FAM184A: variants seen among roughly 807,000 people sequenced by gnomAD.
FAM184A encodes protein FAM184A.
In FAM184A, 99 loss-of-function variants were observed where a neutral mutation model predicts 143.8. The ratio of observed to expected loss-of-function variants is 0.69; its 90% CI spans 0.58 to 0.81. The LOEUF is 0.81. FAM184A is among the 40% of genes least tolerant of loss of function. FAM184A has a pLI of 0.00. For synonymous variants in FAM184A, 427 were observed against 446.4 expected, an observed-to-expected ratio of 0.96 and a Z score of 0.55; for missense variants, 1,217 against 1,310.5, an observed-to-expected ratio of 0.93 and a Z score of 1.10.
chr6:119,049,385 T>G (rs1289577780), intron 1 of FAM184A, among the ~76,000 whole-genome samples: 1 of 152,120 alleles, frequency 6.6e-6, no homozygotes, highest in Non-Finnish European at 1.5e-5. Flanking sequence ...GAGGCAGAGA[T>G]TGCAGTGAGC....
At chr6:119,019,869 G>A in intron 4 of FAM184A, 109 bp downstream of exon 4, 1 of 969,644 alleles carries the variant, frequency 1.0e-6, no homozygotes, top group East Asian at 2.7e-5. Flanking sequence ...ACTAAAGTAG[G>A]AAATGTATTG....
chr6:119,146,387 G>A (rs1011223045), intron 1 of FAM184A, among the ~76,000 whole-genome samples: 3 of 143,290 alleles, frequency 2.1e-5, no homozygotes, highest in Non-Finnish European at 3.0e-5. Context: ...TGCCTTTCCC[G>A]ATTAACTTAC....
intron 14 of FAM184A, among the ~76,000 whole-genome samples, chr6:118,971,963 G>A (rs998902053): frequency 1.3e-5 from 2 of 152,142 alleles, no homozygotes; most frequent in South Asian, 4.1e-4. Context: ...TGCCTTCCAG[G>A]AATCCACAGG....
intron 1 of FAM184A, among the ~76,000 whole-genome samples, chr6:119,140,594 C>T (rs1023621566): frequency 1.3e-5 from 2 of 152,220 alleles, no homozygotes; most frequent in African/African-American, 4.8e-5. Flanking sequence ...TCATCCGCAC[C>T]TTTCAACCAC....
At chr6:119,075,563 G>C (rs79001150) in intron 1 of FAM184A, among the ~76,000 whole-genome samples, 2 of 152,104 alleles carry the variant, frequency 1.3e-5, no homozygotes, top group African/African-American at 4.8e-5. Context: ...TAAGTGTGCT[G>C]CTGCTATAAT....
intron 1 of FAM184A, among the ~76,000 whole-genome samples, chr6:119,090,875 A>G (rs1788346469): frequency 6.6e-6 from 1 of 152,084 alleles, no homozygotes; most frequent in African/African-American, 2.4e-5. Context: ...GGCTGCTATA[A>G]TTTTTCATTC....
At chr6:119,052,309 T>G (rs570139338) in intron 1 of FAM184A, among the ~76,000 whole-genome samples, 166 of 152,292 alleles carry the variant, frequency 1.1e-3, no homozygotes, top group African/African-American at 3.9e-3. Flanking sequence ...TCCTCCATTA[T>G]GTACTCTTCC....
chr6:118,980,384 A>G, intron 9 of FAM184A, 34 bp from the exon 10 acceptor site: 1 of 1,557,384 alleles, frequency 6.4e-7, no homozygotes, highest in Non-Finnish European at 8.8e-7. Context: ...TGAAGAATAA[A>G]TACAAGGCAT....
intron 8 of FAM184A, 80 bp downstream of exon 8, chr6:119,003,421 C>A: frequency 7.4e-7 from 1 of 1,355,296 alleles, no homozygotes; most frequent in Non-Finnish European, 1.0e-6. Context: ...ATGTCTTTAA[C>A]AATAGGATAA....
chr6:119,048,756 A>G (rs1486158028), intron 1 of FAM184A, among the ~76,000 whole-genome samples: 1 of 152,202 alleles, frequency 6.6e-6, no homozygotes, highest in Non-Finnish European at 1.5e-5. Context: ...GATGGTTACC[A>G]GAGGCTGGGA....
At chr6:118,990,900 A>C (rs1784357373) in intron 9 of FAM184A, among the ~76,000 whole-genome samples, 1 of 151,982 alleles carries the variant, frequency 6.6e-6, no homozygotes, top group South Asian at 2.1e-4. Flanking sequence ...AAAATAAATA[A>C]ACAAATAAAA....
At chr6:119,029,231 G>A (rs1785779828) in intron 1 of FAM184A, among the ~76,000 whole-genome samples, 1 of 152,168 alleles carries the variant, frequency 6.6e-6, no homozygotes, top group African/African-American at 2.4e-5. Flanking sequence ...AGCATTCTGT[G>A]CATTCTGTTC....
chr6:119,088,876 C>T (rs1788295717), intron 1 of FAM184A, among the ~76,000 whole-genome samples: 1 of 152,170 alleles, frequency 6.6e-6, no homozygotes, highest in Non-Finnish European at 1.5e-5. Context: ...CAACTCTTCT[C>T]TTGGTGCAAG....
intron 1 of FAM184A, among the ~76,000 whole-genome samples, chr6:119,103,534 A>G (rs970401120): frequency 3.3e-5 from 5 of 152,228 alleles, no homozygotes; most frequent in Admixed American, 3.3e-4. Flanking sequence ...AAGATTGTGC[A>G]TAATTGGATG....
intron 1 of FAM184A, among the ~76,000 whole-genome samples, chr6:119,065,032 T>C (rs1787392458): frequency 6.6e-6 from 1 of 152,186 alleles, no homozygotes; most frequent in African/African-American, 2.4e-5. Flanking sequence ...TCCCATCAAT[T>C]TTGCTTCTCT....
At position 119,132,433 on chromosome 6, in the gene FAM184A, C is replaced by T. The variant is rs1205891952; in HGVS notation, c.-202+16645G>A. On this transcript the variant is annotated intron_variant, in intron 1 of 16. Transcript: ENST00000352896. ...AGAGCTCTTGTTTGAGGTTCTGATA[C>T]AACTCAGCCACAAGAGAGCATTAAA... Among the ~76,000 whole-genome samples the T allele has an allele frequency of 2.0e-5, 3 of 152,200 alleles. No individual in the cohort carries two copies. The South Asian group carries it at 6.2e-4, about 31-fold the overall frequency.
At chr6:119,062,051 A>C (rs1394672456) in intron 1 of FAM184A, among the ~76,000 whole-genome samples, 1 of 151,970 alleles carries the variant, frequency 6.6e-6, no homozygotes. Flanking sequence ...TCCAAGACAC[A>C]CTCTAGTCTT....
chr6:119,119,465 C>A (rs1789151619), intron 1 of FAM184A, among the ~76,000 whole-genome samples: 1 of 152,180 alleles, frequency 6.6e-6, no homozygotes, highest in South Asian at 2.1e-4. Flanking sequence ...CCCTTTATTT[C>A]TCAAACCGGC....
chr6:119,081,178 G>T (rs1261703195), upstream of FAM184A, among the ~76,000 whole-genome samples: 1 of 152,028 alleles, frequency 6.6e-6, no homozygotes, highest in Non-Finnish European at 1.5e-5. Context: ...CATCCTACAT[G>T]GTATCAGGTG....
Sources: gnomAD v4.1 joint callset for allele counts (sites outside exome capture counted in the v4.1 genomes callset) on GRCh38, gnomAD v4.1.1 for gene constraint, MANE v1.5 for transcripts, NCBI Gene and HGNC (gene_info 2026-07-23, HGNC 2026-07-21) for gene names.